HS3ST4: variants seen among roughly 807,000 people sequenced by gnomAD.
HS3ST4 encodes heparan sulfate-glucosamine 3-sulfotransferase 4.
In HS3ST4, 17 loss-of-function variants were observed where a neutral mutation model predicts 29.2. The ratio of observed to expected loss-of-function variants is 0.58; its 90% confidence interval spans 0.40 to 0.87. The LOEUF (loss-of-function observed/expected upper bound fraction) is 0.87. HS3ST4 is among the 40% of genes least tolerant of loss of function. HS3ST4 has a pLI of 0.00. For missense variants in HS3ST4, 627 were observed against 634.5 expected (o/e 0.99, Z 0.13); for synonymous variants, 314 against 285.7 (o/e 1.10, Z -1.00).
chr16:25,896,382 C>A (rs1461806191), intron 1 of HS3ST4, among the ~76,000 whole-genome samples: 1 of 151,948 alleles, frequency 6.6e-6, no homozygotes, highest in Non-Finnish European at 1.5e-5. Flanking sequence ...AGGCAGGTAA[C>A]AAACATATGA....
At chr16:25,899,107 T>C (rs1225578470) in intron 1 of HS3ST4, among the ~76,000 whole-genome samples, 1 of 152,234 alleles carries the variant, frequency 6.6e-6, no homozygotes, top group African/African-American at 2.4e-5. Context: ...TCTCTGTTTT[T>C]GCATCTGCTG....
In HS3ST4 at chr16:26,029,124, T is replaced by G. The variant is rs1189204839; in HGVS notation, c.735-106488T>G. On this transcript the variant is annotated intron_variant, in intron 1 of 1. Transcript: ENST00000331351. The stretch of plus-strand genomic sequence containing the variant: ...CAGTCATTCATGAATTCTGAGAATT[T>G]GGTCAAGTCATTCTTTACCACAGAG... 6 of 152,390 alleles carry G rather than the reference T, an allele frequency of 3.9e-5. No individual in the cohort carries two copies. In the East Asian group the frequency reaches 1.2e-3, roughly 29 times the overall value. The allele number at this position is 152,390 out of a possible 1,614,324, so 9.4% of individuals were successfully genotyped here.
intron 1 of HS3ST4, among the ~76,000 whole-genome samples, chr16:25,846,700 T>A (rs4130889): frequency 0.29 from 44,244 of 151,776 alleles, 6,896 homozygotes; most frequent in Admixed American, 0.34. Flanking sequence ...ATTAAAAAAA[T>A]TTTCTAATAT....
chr16:25,721,906 C>G (rs1425982217), intron 1 of HS3ST4, among the ~76,000 whole-genome samples: 1 of 152,182 alleles, frequency 6.6e-6, no homozygotes, highest in African/African-American at 2.4e-5. Flanking sequence ...CAAAATGTCC[C>G]TTCTCTGTGC....
intron 1 of HS3ST4, among the ~76,000 whole-genome samples, chr16:25,998,437 T>A (rs1449142185): frequency 2.6e-5 from 4 of 152,170 alleles, no homozygotes; most frequent in Admixed American, 2.0e-4. Context: ...CACTTTGGAG[T>A]CATATTGAGT....
At chr16:25,979,434 C>A (rs1968980168) in intron 1 of HS3ST4, among the ~76,000 whole-genome samples, 1 of 152,150 alleles carries the variant, frequency 6.6e-6, no homozygotes, top group Admixed American at 6.5e-5. Flanking sequence ...AGCTCTGCCT[C>A]CTGTCAGATC....
rs1156443113 is a variant in HS3ST4, at chr16:26,094,239, A to G, written c.735-41373A>G. Among the ~76,000 whole-genome samples the G allele has an allele frequency of 2.0e-5, 3 of 152,202 alleles. No individual in the cohort carries two copies. The East Asian group carries it at 5.8e-4, about 29-fold the overall frequency. On this transcript the variant is annotated intron_variant, in intron 1 of 1. Transcript: ENST00000331351. ...GCCTAACCTAGCAAGGCAGGCCAAC[A>G]TTCAAATTCAGGAAATGCAGAGAAC...
chr16:25,783,859 C>G (rs1312784284), intron 1 of HS3ST4, among the ~76,000 whole-genome samples: 2 of 152,038 alleles, frequency 1.3e-5, no homozygotes, highest in Non-Finnish European at 2.9e-5. Flanking sequence ...TACAGGTATA[C>G]TTTAATTTTT....
At chr16:26,127,695 A>C (rs1481029852) in intron 1 of HS3ST4, among the ~76,000 whole-genome samples, 4 of 152,130 alleles carry the variant, frequency 2.6e-5, no homozygotes, top group Non-Finnish European at 4.4e-5. Flanking sequence ...AACTTCTCTG[A>C]GCCTCAGATT....
chr16:26,068,817 G>A (rs545860683), intron 1 of HS3ST4, among the ~76,000 whole-genome samples: 1 of 151,704 alleles, frequency 6.6e-6, no homozygotes, highest in African/African-American at 2.4e-5. Flanking sequence ...TAATATGTAG[G>A]TGAATTGTTT....
intron 1 of HS3ST4, among the ~76,000 whole-genome samples, chr16:25,949,679 G>A (rs868123648): frequency 6.6e-6 from 1 of 152,148 alleles, no homozygotes; most frequent in African/African-American, 2.4e-5. Context: ...AAATTACTAA[G>A]GAGAAATATC....
intron 1 of HS3ST4, among the ~76,000 whole-genome samples, chr16:25,857,915 C>T (rs200157616): frequency 0.3 from 15,942 of 53,508 alleles, 1,147 homozygotes; most frequent in East Asian, 0.41. Context: ...TTCCTTCCTT[C>T]CTTCCTTTCT....
chr16:26,073,496 TC>T (rs1898625472), intron 1 of HS3ST4, among the ~76,000 whole-genome samples: 1 of 152,100 alleles, frequency 6.6e-6, no homozygotes. Context: ...CACCATAGCC[TC>T]CCAAGTAGCT....
intron 1 of HS3ST4, among the ~76,000 whole-genome samples, chr16:26,117,026 T>A (rs1899210310): frequency 6.6e-6 from 1 of 152,230 alleles, no homozygotes; most frequent in Admixed American, 6.5e-5. Context: ...CTCTTGTCTT[T>A]TGAGAAATTT....
At chr16:25,804,379 CT>C (rs541332182) in intron 1 of HS3ST4, among the ~76,000 whole-genome samples, 163 of 152,314 alleles carry the variant, frequency 1.1e-3, no homozygotes, top group African/African-American at 3.8e-3. Flanking sequence ...CAATTCAGCT[CT>C]TCACCACCTT....
intron 1 of HS3ST4, among the ~76,000 whole-genome samples, chr16:25,968,451 T>C (rs975002896): frequency 3.9e-5 from 6 of 152,166 alleles, no homozygotes; most frequent in East Asian, 1.9e-4. Context: ...CACTCCAATT[T>C]GCTGCCCCCA....
At chr16:25,738,880 C>G (rs1966631347) in intron 1 of HS3ST4, among the ~76,000 whole-genome samples, 1 of 152,156 alleles carries the variant, frequency 6.6e-6, no homozygotes, top group African/African-American at 2.4e-5. Flanking sequence ...TATGATGCTT[C>G]CAGCTTTGTT....
At chr16:25,711,334 G>C (rs569061499) in intron 1 of HS3ST4, among the ~76,000 whole-genome samples, 2 of 152,162 alleles carry the variant, frequency 1.3e-5, no homozygotes, top group South Asian at 2.1e-4. Flanking sequence ...GCTGAGGTAG[G>C]AGAGTTGCCC....
In HS3ST4 at chr16:26,021,705, C is replaced by G. The variant is rs577796758; in HGVS notation, c.735-113907C>G. On this transcript the variant is annotated intron_variant, in intron 1 of 1. Coordinates refer to ENST00000331351, the MANE Select transcript of HS3ST4 (RefSeq NM_006040.3). The stretch of plus-strand genomic sequence containing the variant: ...TTTGAGACAGAGTCTAGTTCCGTCA[C>G]CAGGCTGGAGTGCAGTGGTGCGATC... Among the ~76,000 whole-genome samples, 13 of 152,226 alleles carry G rather than the reference C, an allele frequency of 8.5e-5. No homozygotes were observed. The East Asian group carries it at 2.5e-3, about 29-fold the overall frequency.
Sources: allele counts gnomAD v4.1 joint callset (sites outside exome capture counted in the v4.1 genomes callset), GRCh38; gene constraint gnomAD v4.1.1; transcripts MANE v1.5; gene names NCBI Gene and HGNC (gene_info 2026-07-23, HGNC 2026-07-21).